Variants in ZNF552 observed in about 807,000 individuals in gnomAD.
ZNF552 encodes zinc finger protein 552.
In ZNF552, 2 loss-of-function variants were observed where a neutral mutation model predicts 7.2. That is an observed-to-expected ratio of 0.28 (90% CI 0.11 to 0.88). The LOEUF (loss-of-function observed/expected upper bound fraction) is 0.88. Among genes scored for constraint, ZNF552 ranks in the 40% least tolerant of loss-of-function variants. The pLI is 0.60. For synonymous variants in ZNF552, 173 were observed against 176.5 expected (o/e 0.98, Z 0.16); for missense variants, 421 against 493.4 (o/e 0.85, Z 1.39).
intron 1 of ZNF552, among the ~76,000 whole-genome samples, chr19:57,813,893 G>A (rs879259303): frequency 6.6e-6 from 1 of 151,870 alleles, no homozygotes; most frequent in Non-Finnish European, 1.5e-5. Context: ...ACAGGCATGC[G>A]CCACCACGCC....
intron 2 of ZNF552, among the ~76,000 whole-genome samples, chr19:57,809,646 TAA>T (rs5828732): frequency 6.9e-6 from 1 of 144,894 alleles, no homozygotes. Flanking sequence ...TTAAAGGATT[TAA>T]AAAAAAAAAA....
At position 57,807,978 on chromosome 19, in the gene ZNF552, A is replaced by C; in HGVS notation, c.*62T>G. The C allele has an allele frequency of 6.6e-7, 1 of 1,511,440 alleles. No individual in the cohort carries two copies. The highest frequency in any genetic ancestry group is 8.9e-7 in the Non-Finnish European group (1 of 1,124,850). 93.6% of individuals were successfully genotyped at this position (1,511,440 alleles called of 1,614,324 possible). ...GGTAAACATTTTCCACATTTGCTGC[A>C]ATCACAGGATCTTACTCAGGTGTGT... On this transcript the variant is annotated 3_prime_UTR_variant, in exon 3 of 3. Transcript: ENST00000391701.
chr19:57,812,439 C>T (rs1987875290), intron 2 of ZNF552, among the ~76,000 whole-genome samples: 1 of 151,952 alleles, frequency 6.6e-6, no homozygotes, highest in African/African-American at 2.4e-5. Context: ...AAGATGATCC[C>T]ACCACCAAGA....
chr19:57,811,227 C>T (rs1263040940), intron 2 of ZNF552, among the ~76,000 whole-genome samples: 4 of 151,920 alleles, frequency 2.6e-5, no homozygotes, highest in Non-Finnish European at 2.9e-5. Context: ...GGCTGGAGTG[C>T]GGTGGCACAA....
chr19:57,807,689 G>A lies in ZNF552; in HGVS notation c.*351C>T, dbSNP rs140334337. 2.5e-3 allele frequency: 539 copies of A among 217,762 alleles called. 5 individuals carry two copies. Among genetic ancestry groups the A allele is most frequent in the African/African-American group, 0.011 (495 of 43,670 alleles). 13.5% of individuals were successfully genotyped at this position (217,762 alleles called of 1,614,324 possible). A position where few individuals can be genotyped will look rare whatever the true frequency, so the allele number is the denominator to read the frequency against. On this transcript the variant is annotated 3_prime_UTR_variant, in exon 3 of 3. Transcript: ENST00000391701. Reference sequence around the variant, plus strand: ...GACTGGACTGCAGTGTTGCAATCTCGGCTCACTGCAACCTCTGCCTCCCAG... The same window carrying A: ...GACTGGACTGCAGTGTTGCAATCTCAGCTCACTGCAACCTCTGCCTCCCAG...
chr19:57,809,382 G>T (rs1987811616), intron 2 of ZNF552: 3 of 632,324 alleles, frequency 4.7e-6, no homozygotes, highest in South Asian at 1.8e-5. Flanking sequence ...CTCATCTGCA[G>T]AATTTATGTC....
At chr19:57,810,274 A>G (rs1455870994) in intron 2 of ZNF552, among the ~76,000 whole-genome samples, 3 of 152,164 alleles carry the variant, frequency 2.0e-5, no homozygotes, top group Admixed American at 2.0e-4. Context: ...GTTTGAGACC[A>G]GCCTGACCAA....
chr19:57,814,678 GT>G, intron 1 of ZNF552, 32 bp downstream of exon 1: 1 of 1,614,112 alleles, frequency 6.2e-7, no homozygotes, highest in Non-Finnish European at 8.5e-7. Flanking sequence ...TGACTAGGAG[GT>G]GACCGGAGAG....
chr19:57,807,425 G>A lies in ZNF552; in HGVS notation c.*615C>T, dbSNP rs1256663557. ...TACAAAAAAGGTAGGAGTGGTGGTG[G>A]TTGCCTGTAGTCCCAGCTATTAGGG... On this transcript the variant is annotated 3_prime_UTR_variant, in exon 3 of 3. Transcript: ENST00000391701. 2 of 152,154 alleles carry A rather than the reference G, an allele frequency of 1.3e-5. No homozygotes were observed. The highest frequency in any genetic ancestry group is 2.4e-5 in the African/African-American group (1 of 41,422). 9.4% of individuals were successfully genotyped at this position (152,154 alleles called of 1,614,324 possible). A position where few individuals can be genotyped will look rare whatever the true frequency, so the allele number is the denominator to read the frequency against.
chr19:57,812,489 G>A (rs977549620), intron 2 of ZNF552, among the ~76,000 whole-genome samples: 1 of 151,578 alleles, frequency 6.6e-6, no homozygotes, highest in Non-Finnish European at 1.5e-5. Flanking sequence ...AAGAACAAAG[G>A]GAAAGACAGA....
chr19:57,813,579 A>C (rs574059277), intron 1 of ZNF552, among the ~76,000 whole-genome samples, 159 bp from the exon 2 acceptor site: 1 of 152,024 alleles, frequency 6.6e-6, no homozygotes, highest in Non-Finnish European at 1.5e-5. Flanking sequence ...ACCAACAACA[A>C]TAGTTAGTTG....
At chr19:57,814,375 T>A in intron 1 of ZNF552, 1 of 771,626 alleles carries the variant, frequency 1.3e-6, no homozygotes. Context: ...TTCTCCTATT[T>A]CTAGTGTCCT....
intron 2 of ZNF552, among the ~76,000 whole-genome samples, chr19:57,809,572 G>A (rs1158157136): frequency 1.3e-5 from 2 of 151,864 alleles, no homozygotes; most frequent in East Asian, 3.9e-4. Context: ...AAGATGTGAG[G>A]TCCAGAGATG....
In ZNF552 at chr19:57,811,643, G is replaced by A. The variant is rs1987858602; in HGVS notation, c.160+1651C>T. Among the ~76,000 whole-genome samples the A allele has an allele frequency of 2.1e-5, 3 of 143,806 alleles. No individual in the cohort carries two copies. The South Asian group carries it at 6.5e-4, about 31-fold the overall frequency. 94.3% of individuals were successfully genotyped at this position (143,806 alleles called of 152,430 possible). Reference sequence around the variant, plus strand: ...TGAGGGCAGAATTGCTTGGGCCTGGGAGACAGAGGTTGCGGTGAGCCAGAT... The same window carrying A: ...TGAGGGCAGAATTGCTTGGGCCTGGAAGACAGAGGTTGCGGTGAGCCAGAT... On this transcript the variant is annotated intron_variant, in intron 2 of 2. Coordinates refer to ENST00000391701, the MANE Select transcript of ZNF552 (RefSeq NM_024762.3).
At chr19:57,812,200 CA>C (rs777117003) in intron 2 of ZNF552, among the ~76,000 whole-genome samples, 1 of 151,806 alleles carries the variant, frequency 6.6e-6, no homozygotes, top group Non-Finnish European at 1.5e-5. Flanking sequence ...GACCCTTTCT[CA>C]AAAAACAAAC....
Position 57,808,132 on chromosome 19 carries a change from T to C in ZNF552, c.1132A>G (p.Lys378Glu). 1 of 1,614,180 alleles carries C rather than the reference T, an allele frequency of 6.2e-7. No homozygotes were observed. Among genetic ancestry groups the C allele is most frequent in the Non-Finnish European group, 8.5e-7 (1 of 1,180,032 alleles). ...TCACATTCACTGCACCCGTAAGGCT[T>C]TTCTCCAGTGTGAACTCTCCTGTGT... ...TKHRRVHTGE[K>E]PYGCSECEKK... The change falls in exon 3 of 3, where the codon AAG (lysine) becomes GAG (glutamate). Residue 378 changes from lysine (K) to glutamate (E), a missense_variant. Around this residue, in one of 2 missense-constraint regions of ZNF552, gnomAD observed 299 missense variants for 293.7 expected, o/e 1.02. Transcript: ENST00000391701.
chr19:57,808,127 A>C lies in ZNF552; in HGVS notation c.1137T>G (p.Pro379=). 1 of 1,614,150 alleles carries C rather than the reference A, an allele frequency of 6.2e-7. No homozygotes were observed. The highest frequency in any genetic ancestry group is 8.5e-7 in the Non-Finnish European group (1 of 1,180,034). The change falls in exon 3 of 3, where the codon CCT becomes CCG. Residue 379 remains proline (P), a synonymous_variant. Transcript: ENST00000391701. ...TTTTTTCACATTCACTGCACCCGTA[A>C]GGCTTTTCTCCAGTGTGAACTCTCC... is the stretch of plus-strand genomic sequence containing the variant. ...KHRRVHTGEK[P]YGCSECEKKF...
In ZNF552 at chr19:57,809,259, T is replaced by C; in HGVS notation, c.161-156A>G. Reference sequence around the variant, plus strand: ...GGTGGAAGATGGTGCTATGTATTATTACTGGACTATAATGGTCACAGAATG... The same window carrying C: ...GGTGGAAGATGGTGCTATGTATTATCACTGGACTATAATGGTCACAGAATG... On this transcript the variant is annotated intron_variant, in intron 2 of 2. Coordinates refer to ENST00000391701, the MANE Select transcript of ZNF552 (RefSeq NM_024762.3). 3 of 1,515,238 alleles carry C rather than the reference T, an allele frequency of 2.0e-6. No homozygotes were observed. The South Asian group carries it at 3.6e-5, about 18-fold the overall frequency. 93.9% of individuals were successfully genotyped at this position (1,515,238 alleles called of 1,614,324 possible).
At chr19:57,814,333 GGACTTTGATCCAGT>G in intron 1 of ZNF552, 3 of 644,816 alleles carry the variant, frequency 4.7e-6, no homozygotes, top group East Asian at 5.5e-5. Flanking sequence ...TTAAAAGCCT[GGACTTTGATCCAGT>G]CCCTTCTTTC....
Sources: allele counts gnomAD v4.1 joint callset (sites outside exome capture counted in the v4.1 genomes callset), GRCh38; gene constraint gnomAD v4.1.1; regional missense constraint gnomAD v4.1.1; transcripts MANE v1.5; gene names NCBI Gene and HGNC (gene_info 2026-07-23, HGNC 2026-07-21).